The following ATPSCKMT variants were observed in gnomAD, a reference collection of about 807,000 sequenced individuals.
The protein encoded by ATPSCKMT is ATP synthase c subunit lysine N-methyltransferase.
ATPSCKMT carries 24 observed loss-of-function variants against 24.3 expected under a neutral mutation model. The ratio of observed to expected loss-of-function variants is 0.99; its 90% CI spans 0.71 to 1.39. ATPSCKMT has a LOEUF of 1.39. Ranked by LOEUF, ATPSCKMT falls within the 40% of genes most tolerant of loss-of-function variation. The pLI is 0.00. For missense variants in ATPSCKMT, 311 were observed against 298.4 expected, an observed-to-expected ratio of 1.04 and a Z score of -0.31; for synonymous variants, 95 against 110.5, an observed-to-expected ratio of 0.86 and a Z score of 0.88.
chr5:10,227,596 C>T lies in ATPSCKMT; in HGVS notation c.547G>A (p.Val183Ile). The part of the protein sequence containing the change: ...LERELEDDAR[V>I]IACRFPFPHW... ...GGGAAAGGGAACCGGCAAGCAATAACTCGTGCATCATCCTCAAGTTCACGT... is the reference window on the plus strand; with the variant it reads ...GGGAAAGGGAACCGGCAAGCAATAATTCGTGCATCATCCTCAAGTTCACGT... Residue 183 changes from valine to isoleucine, a missense_variant, in exon 5 of 5, where the codon GTT becomes ATT. Val to Ile is a conservative substitution (Grantham distance 29). Coordinates refer to ENST00000511437, the MANE Select transcript of ATPSCKMT (RefSeq NM_199133.4). 1 of 1,614,226 alleles carries T rather than the reference C, an allele frequency of 6.2e-7. No individual in the cohort carries two copies. Among genetic ancestry groups the T allele is most frequent in the Non-Finnish European group, 8.5e-7 (1 of 1,180,048 alleles).
intron 2 of ATPSCKMT, among the ~76,000 whole-genome samples, chr5:10,237,593 A>G (rs1390951752): frequency 2.0e-5 from 3 of 152,066 alleles, no homozygotes; most frequent in Admixed American, 1.3e-4. Flanking sequence ...GCCACCATCA[A>G]TGTAAGACAT....
At chr5:10,241,473 T>A (rs1744643543) in intron 1 of ATPSCKMT, among the ~76,000 whole-genome samples, 1 of 152,160 alleles carries the variant, frequency 6.6e-6, no homozygotes, top group Non-Finnish European at 1.5e-5. Flanking sequence ...AGCCAGCCAA[T>A]CGCCAGCATC....
At position 10,226,191 on chromosome 5, in the gene ATPSCKMT, T is replaced by C. The variant is rs1743869565; in HGVS notation, c.*1250A>G. 2 of 152,252 alleles carry C rather than the reference T, an allele frequency of 1.3e-5. No individual in the cohort carries two copies. Among genetic ancestry groups the C allele is most frequent in the African/African-American group, 4.8e-5 (2 of 41,468 alleles). 9.4% of individuals were successfully genotyped at this position (152,252 alleles called of 1,614,324 possible). On this transcript the variant is annotated 3_prime_UTR_variant, in exon 5 of 5. Transcript: ENST00000511437. Reference sequence around the variant, plus strand: ...TTGTCTCTCCTTTCCAGAATAGGAATTCCATGAGGCCAGGGGCTTTGCATG... The same window carrying C: ...TTGTCTCTCCTTTCCAGAATAGGAACTCCATGAGGCCAGGGGCTTTGCATG...
At chr5:10,233,164 C>T (rs1345326921) in intron 4 of ATPSCKMT, among the ~76,000 whole-genome samples, 1 of 152,166 alleles carries the variant, frequency 6.6e-6, no homozygotes, top group Non-Finnish European at 1.5e-5. Flanking sequence ...TGAGTATCTA[C>T]CTGGGCATCA....
In ATPSCKMT at chr5:10,236,471, T is replaced by C; in HGVS notation, c.444+7A>G. The stretch of plus-strand genomic sequence containing the variant: ...ATTTCTCTAGGGCCATTCTCTGCCT[T>C]ACATACCTTCCACAAATCTGAAATA... On this transcript the variant is annotated splice_region_variant and intron_variant, in intron 3 of 4. Transcript: ENST00000511437. 6.2e-7 allele frequency: 1 copy of C among 1,614,048 alleles called. No individual in the cohort carries two copies.
At chr5:10,228,941 C>T (rs1206273962) in intron 4 of ATPSCKMT, among the ~76,000 whole-genome samples, 1 of 152,118 alleles carries the variant, frequency 6.6e-6, no homozygotes, top group Non-Finnish European at 1.5e-5. Flanking sequence ...ACAGGTTTAC[C>T]GATTTTCAAC....
chr5:10,236,382 T>C, intron 3 of ATPSCKMT, 96 bp downstream of exon 3: 1 of 1,373,652 alleles, frequency 7.3e-7, no homozygotes, highest in Admixed American at 2.4e-5. Context: ...TTTAATTATT[T>C]TTCTTTTAAT....
rs1744009504 is a variant in ATPSCKMT at position 10,229,041 on chromosome 5, C to T, written c.496-1394G>A. ...TTGCATACAATATGCTCCTTTACTT[C>T]CTTAATACTTCAGTGTGTATTTTCT... On this transcript the variant is annotated intron_variant, in intron 4 of 4. Coordinates refer to ENST00000511437, the MANE Select transcript of ATPSCKMT (RefSeq NM_199133.4). 3.3e-5 allele frequency among the ~76,000 whole-genome samples: 5 copies of T among 152,296 alleles called. No homozygotes were observed. The South Asian group carries it at 1.0e-3, about 32-fold the overall frequency.
At chr5:10,240,107 G>A (rs1451909555) in intron 1 of ATPSCKMT, among the ~76,000 whole-genome samples, 7 of 151,458 alleles carry the variant, frequency 4.6e-5, no homozygotes, top group South Asian at 2.1e-4. Context: ...GGTGGCGGGC[G>A]CCTGTAGTCC....
At chr5:10,242,128 T>G (rs1744672567) in intron 1 of ATPSCKMT, among the ~76,000 whole-genome samples, 1 of 152,188 alleles carries the variant, frequency 6.6e-6, no homozygotes, top group Admixed American at 6.5e-5. Context: ...GTTGCGGCAA[T>G]TTTTGAAAAT....
intron 1 of ATPSCKMT, among the ~76,000 whole-genome samples, chr5:10,249,039 G>A (rs1051102076): frequency 8.6e-5 from 13 of 152,040 alleles, no homozygotes; most frequent in African/African-American, 2.9e-4. Flanking sequence ...AGACCTAGAC[G>A]GGTACATCAC....
intron 1 of ATPSCKMT, among the ~76,000 whole-genome samples, chr5:10,242,606 T>A (rs2126459205): frequency 6.6e-6 from 1 of 152,346 alleles, no homozygotes; most frequent in East Asian, 1.9e-4. Flanking sequence ...CTACCATGAA[T>A]CATGAATGTT....
chr5:10,234,562 A>C (rs1178193428), intron 4 of ATPSCKMT, among the ~76,000 whole-genome samples: 1 of 152,230 alleles, frequency 6.6e-6, no homozygotes, highest in Admixed American at 6.5e-5. Context: ...CAATTCTGCC[A>C]ATTTTATTAT....
At chr5:10,241,317 G>A (rs1376426221) in intron 1 of ATPSCKMT, among the ~76,000 whole-genome samples, 1 of 152,172 alleles carries the variant, frequency 6.6e-6, no homozygotes, top group Non-Finnish European at 1.5e-5. Flanking sequence ...CTGTACAGGT[G>A]CAGGAATTAG....
chr5:10,238,253 C>A (rs777148654), intron 2 of ATPSCKMT, among the ~76,000 whole-genome samples: 1 of 151,626 alleles, frequency 6.6e-6, no homozygotes, highest in African/African-American at 2.4e-5. Context: ...GTAAACACTA[C>A]GGTATGTGTA....
chr5:10,246,195 C>T (rs1195724050), intron 1 of ATPSCKMT, among the ~76,000 whole-genome samples: 2 of 151,774 alleles, frequency 1.3e-5, no homozygotes, highest in African/African-American at 4.8e-5. Context: ...TTTGGGAGGC[C>T]GAGGTGGGCG....
intron 2 of ATPSCKMT, 139 bp from the exon 3 acceptor site, chr5:10,236,754 G>A (rs1351647062): frequency 7.5e-6 from 11 of 1,458,788 alleles, no homozygotes; most frequent in Non-Finnish European, 8.1e-6. Flanking sequence ...ATTTTAAAAT[G>A]TGTCTCTAAA....
intron 1 of ATPSCKMT, among the ~76,000 whole-genome samples, chr5:10,242,062 C>T (rs1352510552): frequency 1.3e-5 from 2 of 152,058 alleles, no homozygotes; most frequent in Non-Finnish European, 2.9e-5. Context: ...TAGGATCTGG[C>T]CTTGACGTTA....
At position 10,226,464 on chromosome 5, in the gene ATPSCKMT, A is replaced by C. The variant is rs1452715235; in HGVS notation, c.*977T>G. 1 of 152,238 alleles carries C rather than the reference A, an allele frequency of 6.6e-6. No individual in the cohort carries two copies. Among genetic ancestry groups the C allele is most frequent in the African/African-American group, 2.4e-5 (1 of 41,460 alleles). 9.4% of individuals were successfully genotyped at this position (152,238 alleles called of 1,614,324 possible). A position where few individuals can be genotyped will look rare whatever the true frequency, so the allele number is the denominator to read the frequency against. Reference sequence around the variant, plus strand: ...TTTCTGTGATAAGTACGAATGACTCAAGCTACCATTCAATATTCACTTTAC... The same window carrying C: ...TTTCTGTGATAAGTACGAATGACTCCAGCTACCATTCAATATTCACTTTAC... On this transcript the variant is annotated 3_prime_UTR_variant, in exon 5 of 5. Transcript: ENST00000511437.
Sources: allele counts gnomAD v4.1 joint callset (sites outside exome capture counted in the v4.1 genomes callset), GRCh38; gene constraint gnomAD v4.1.1; transcripts MANE v1.5; gene names NCBI Gene and HGNC (gene_info 2026-07-23, HGNC 2026-07-21).